Variants in HIBCH observed in about 807,000 individuals in gnomAD.
HIBCH encodes 3-hydroxyisobutyryl-CoA hydrolase, mitochondrial.
Under a neutral mutation model 58.2 loss-of-function variants are expected in HIBCH, and 50 were observed. The ratio of observed to expected loss-of-function variants is 0.86; its 90% confidence interval spans 0.68 to 1.09. The LOEUF (loss-of-function observed/expected upper bound fraction) is 1.09, where lower values mean the gene tolerates loss of function less well. Ranked by LOEUF, HIBCH falls within the 50% of genes least tolerant of loss-of-function variation. The pLI is 0.00. For missense variants in HIBCH, 450 were observed against 449.7 expected (o/e 1.00, Z -0.01); for synonymous variants, 151 against 146.9 (o/e 1.03, Z -0.20).
At position 190,295,121 on chromosome 2, in the gene HIBCH, G is replaced by A. The variant is rs575654496; in HGVS notation, c.220-491C>T. ...TAAAAAATCCAAGTCCTTTGGGATT[G>A]GTAAAGACAGCTAATAAATAAGTAG... On this transcript the variant is annotated intron_variant, in intron 3 of 13. Coordinates refer to ENST00000359678, the MANE Select transcript of HIBCH (RefSeq NM_014362.4). Among the ~76,000 whole-genome samples, 16 of 152,238 alleles carry A rather than the reference G, an allele frequency of 1.1e-4. No individual in the cohort carries two copies. In the South Asian group the frequency reaches 3.3e-3, roughly 32 times the overall value.
At chr2:190,287,779 G>T in intron 5 of HIBCH, 141 bp from the exon 6 acceptor site, 2 of 651,006 alleles carry the variant, frequency 3.1e-6, no homozygotes, top group Non-Finnish European at 5.6e-6. Context: ...TAAATGTATG[G>T]CTTATAAAAT....
At chr2:190,238,360 C>A (rs1457403194) in intron 11 of HIBCH, among the ~76,000 whole-genome samples, 1 of 152,198 alleles carries the variant, frequency 6.6e-6, no homozygotes, top group Non-Finnish European at 1.5e-5. Context: ...TAATGATCTC[C>A]ATTCTAACTG....
At chr2:190,191,473 A>G (rs907963499) in intron 1 of HIBCH, among the ~76,000 whole-genome samples, 3 of 152,132 alleles carry the variant, frequency 2.0e-5, no homozygotes, top group African/African-American at 7.2e-5. Context: ...GTGAACACAA[A>G]TTTTCATGTA....
At chr2:190,277,777 A>T (rs1365321677) in intron 6 of HIBCH, among the ~76,000 whole-genome samples, 1 of 152,178 alleles carries the variant, frequency 6.6e-6, no homozygotes, top group Non-Finnish European at 1.5e-5. Context: ...TGCCCAAATA[A>T]GGCAAATGCC....
chr2:190,256,179 C>T lies in HIBCH; in HGVS notation c.518-3872G>A, dbSNP rs573590703. Among the ~76,000 whole-genome samples, 10 of 152,140 alleles carry T rather than the reference C, an allele frequency of 6.6e-5. No individual in the cohort carries two copies. In the South Asian group the frequency reaches 1.7e-3, roughly 25 times the overall value. ...TCTCTCCCTGGACACATGGGGATTA[C>T]GGGGATTACAATTCAAGATGAGATT... On this transcript the variant is annotated intron_variant, in intron 7 of 13. Coordinates refer to ENST00000359678, the MANE Select transcript of HIBCH (RefSeq NM_014362.4).
Position 190,319,807 on chromosome 2 carries a change from G to T in HIBCH, c.-57C>A. 6.3e-7 allele frequency: 1 copy of T among 1,583,070 alleles called. No homozygotes were observed. Among genetic ancestry groups the T allele is most frequent in the African/African-American group, 1.3e-5 (1 of 74,504 alleles). On this transcript the variant is annotated 5_prime_UTR_variant, in exon 1 of 14. Coordinates refer to ENST00000359678, the MANE Select transcript of HIBCH (RefSeq NM_014362.4). The stretch of plus-strand genomic sequence containing the variant: ...CGAGAATCTCCCGGACCGTTCCAGC[G>T]CCTCGCGTGAGCCCCGCCCACCGCC...
At chr2:190,314,016 T>C (rs1489565391) in intron 1 of HIBCH, among the ~76,000 whole-genome samples, 1 of 152,042 alleles carries the variant, frequency 6.6e-6, no homozygotes, top group Non-Finnish European at 1.5e-5. Context: ...TTGGATTCCT[T>C]AATGAGGCCA....
intron 11 of HIBCH, among the ~76,000 whole-genome samples, chr2:190,226,582 T>G (rs1447578258): frequency 9.2e-6 from 1 of 109,112 alleles, no homozygotes; most frequent in Non-Finnish European, 1.8e-5. Flanking sequence ...GCAACAAGAG[T>G]GAAACTCCGT....
intron 5 of HIBCH, among the ~76,000 whole-genome samples, chr2:190,288,154 A>G (rs1183452562): frequency 1.1e-4 from 1 of 8,706 alleles, no homozygotes; most frequent in South Asian, 5.0e-3. Context: ...CCAAGACCCT[A>G]TCTTTTTTTT....
At position 190,273,888 on chromosome 2, in the gene HIBCH, C is replaced by T. The variant is rs577561241; in HGVS notation, c.439-12654G>A. On this transcript the variant is annotated intron_variant, in intron 6 of 13. Coordinates refer to ENST00000359678, the MANE Select transcript of HIBCH (RefSeq NM_014362.4). ...GCAGTGAGACAATCATGGCTCACTGCAGCCTTGAATTCCTAGACTCAAACA... is the reference window on the plus strand; with the variant it reads ...GCAGTGAGACAATCATGGCTCACTGTAGCCTTGAATTCCTAGACTCAAACA... Among the ~76,000 whole-genome samples, 13 of 152,132 alleles carry T rather than the reference C, an allele frequency of 8.5e-5. No individual in the cohort carries two copies. The South Asian group carries it at 1.0e-3, about 12-fold the overall frequency.
intron 9 of HIBCH, among the ~76,000 whole-genome samples, 185 bp downstream of exon 9, chr2:190,249,455 T>A (rs921399491): frequency 2.0e-5 from 3 of 152,192 alleles, no homozygotes. Context: ...AGGAAAGAAG[T>A]CATCTTATTA....
chr2:190,269,754 T>C (rs540491256), intron 6 of HIBCH, among the ~76,000 whole-genome samples: 3 of 152,272 alleles, frequency 2.0e-5, no homozygotes, highest in Non-Finnish European at 2.9e-5. Context: ...ATCATTCTAC[T>C]ATAAAGACAC....
rs185948336 is a variant in HIBCH, at chr2:190,243,826, C to A, written c.891+1061G>T. ...CTACAAAAAAATACAAAAAATTAGC[C>A]ACCCGTGGTGGCACACGCCCGTAGT... On this transcript the variant is annotated intron_variant, in intron 11 of 13. Coordinates refer to ENST00000359678, the MANE Select transcript of HIBCH (RefSeq NM_014362.4). This position sits in a 1 kb window ranked among gnomAD's most constrained non-coding sequence, Gnocchi z 4.1. 6.6e-6 allele frequency among the ~76,000 whole-genome samples: 1 copy of A among 152,160 alleles called. No homozygotes were observed. The highest frequency in any genetic ancestry group is 2.4e-5 in the African/African-American group (1 of 41,514).
intron 11 of HIBCH, among the ~76,000 whole-genome samples, chr2:190,237,523 G>A (rs11684995): frequency 6.6e-6 from 1 of 151,974 alleles, no homozygotes; most frequent in Non-Finnish European, 1.5e-5. Context: ...GTAAATATAA[G>A]CATTTGTGTG....
intron 1 of HIBCH, among the ~76,000 whole-genome samples, chr2:190,198,001 G>C (rs1004461624): frequency 9.9e-5 from 15 of 152,080 alleles, no homozygotes; most frequent in Non-Finnish European, 1.9e-4. Flanking sequence ...ATCATAACAT[G>C]CTGATGATTA....
At chr2:190,228,049 G>A (rs540043595) in intron 11 of HIBCH, among the ~76,000 whole-genome samples, 5 of 152,244 alleles carry the variant, frequency 3.3e-5, no homozygotes, top group African/African-American at 7.2e-5. Flanking sequence ...TCCCATTACC[G>A]AGTATGTACC....
Position 190,254,536 on chromosome 2 carries a change from C to G in HIBCH, c.518-2229G>C, listed in dbSNP as rs1244809461. Among the ~76,000 whole-genome samples, 3 of 152,218 alleles carry G rather than the reference C, an allele frequency of 2.0e-5. No homozygotes were observed. The highest frequency in any genetic ancestry group is 7.2e-5 in the African/African-American group (3 of 41,452). On this transcript the variant is annotated intron_variant, in intron 7 of 13. Transcript: ENST00000359678. This position sits in a 1 kb window ranked among gnomAD's most constrained non-coding sequence, Gnocchi z 5.0. The stretch of plus-strand genomic sequence containing the variant: ...TCACTCATGCCTTCTCCCGTGAACA[C>G]TGAACTCTTAGATCTGCCACCTAAA...
At chr2:190,234,748 G>C (rs1481767593) in intron 11 of HIBCH, among the ~76,000 whole-genome samples, 1 of 151,960 alleles carries the variant, frequency 6.6e-6, no homozygotes, top group East Asian at 1.9e-4. Flanking sequence ...TACTCGGGAG[G>C]CTGAGGCAGG....
At chr2:190,257,347 TCACCTGAGGAAATGAAAGAA>T (rs1686954886) in intron 7 of HIBCH, among the ~76,000 whole-genome samples, 1 of 152,120 alleles carries the variant, frequency 6.6e-6, no homozygotes, top group South Asian at 2.1e-4. Context: ...AACTCAGGTT[TCACCTGAGGAAATGAAAGAA>T]GAGCAAACAA....
Sources: allele counts gnomAD v4.1 joint callset (sites outside exome capture counted in the v4.1 genomes callset), GRCh38; gene constraint gnomAD v4.1.1; non-coding constraint Gnocchi (gnomAD v3.1); transcripts MANE v1.5; gene names NCBI Gene and HGNC (gene_info 2026-07-23, HGNC 2026-07-21).